Variants in COL4A2 observed in about 807,000 individuals in gnomAD.
COL4A2 encodes the protein collagen type IV alpha 2 chain.
COL4A2 carries 99 observed loss-of-function variants against 200.2 expected under a neutral mutation model. The ratio of observed to expected loss-of-function variants is 0.49; its 90% CI spans 0.42 to 0.58. COL4A2 has a LOEUF of 0.58. COL4A2 is among the 20% of genes least tolerant of loss of function. COL4A2 has a pLI of 0.00. For missense variants in COL4A2, 1,950 were observed against 2,314.1 expected, an observed-to-expected ratio of 0.84 and a Z score of 3.23; for synonymous variants, 897 against 900.6, an observed-to-expected ratio of 1.00 and a Z score of 0.07.
At position 110,504,182 on chromosome 13, in the gene COL4A2, A is replaced by G; in HGVS notation, c.4320A>G (p.Gln1440=). 6.2e-7 allele frequency: 1 copy of G among 1,614,162 alleles called. No homozygotes were observed. The highest frequency in any genetic ancestry group is 1.7e-5 in the Admixed American group (1 of 60,028). Reference sequence around the variant, plus strand: ...GGGCTCCAGGGAAAGCTGGGCCCCAAGGAAGAGGTGGTGTGTCTGCTGTTC... The same window carrying G: ...GGGCTCCAGGGAAAGCTGGGCCCCAGGGAAGAGGTGGTGTGTCTGCTGTTC... ...FRGAPGKAGP[Q]GRGGVSAVPG... is the part of the protein sequence containing the mutation. Residue 1440 remains glutamine (Q), a synonymous_variant, in exon 45 of 48, where the codon CAA becomes CAG. Coordinates refer to ENST00000360467, the MANE Select transcript of COL4A2 (RefSeq NM_001846.4).
chr13:110,369,331 C>T (rs77777364), intron 4 of COL4A2, among the ~76,000 whole-genome samples: 6,007 of 152,202 alleles, frequency 0.039, 384 homozygotes, highest in African/African-American at 0.14. Context: ...TTTTGAGCAC[C>T]GACCTGGCAC....
intron 3 of COL4A2, among the ~76,000 whole-genome samples, chr13:110,326,642 G>A (rs112886346): frequency 0.036 from 5,556 of 152,248 alleles, 132 homozygotes; most frequent in Non-Finnish European, 0.052. Context: ...TCAGGGCGAG[G>A]TCACACAGAG....
chr13:110,328,954 T>G (rs1258546023), intron 3 of COL4A2, among the ~76,000 whole-genome samples: 3 of 152,240 alleles, frequency 2.0e-5, no homozygotes, highest in Non-Finnish European at 4.4e-5. Flanking sequence ...GAACAGAACC[T>G]TCTAGTAGTC....
chr13:110,330,961 C>T (rs556117630), intron 3 of COL4A2, among the ~76,000 whole-genome samples: 40 of 152,264 alleles, frequency 2.6e-4, no homozygotes, highest in African/African-American at 5.8e-4. Context: ...TCCATCTACC[C>T]GATCTCGCCG....
chr13:110,419,447 A>G (rs1234979425), intron 4 of COL4A2, among the ~76,000 whole-genome samples: 1 of 152,214 alleles, frequency 6.6e-6, no homozygotes, highest in African/African-American at 2.4e-5. Context: ...AATGGAAACC[A>G]CAGGGTTGTG....
intron 4 of COL4A2, among the ~76,000 whole-genome samples, chr13:110,384,455 A>G (rs1222981746): frequency 6.6e-6 from 1 of 152,180 alleles, no homozygotes; most frequent in African/African-American, 2.4e-5. Flanking sequence ...TTCAGTGGGG[A>G]GTCACACGTC....
chr13:110,418,385 T>C (rs1348906803), intron 4 of COL4A2, among the ~76,000 whole-genome samples: 1 of 152,206 alleles, frequency 6.6e-6, no homozygotes, highest in Non-Finnish European at 1.5e-5. Flanking sequence ...AACTTTTTCT[T>C]TTATAGGTTG....
intron 29 of COL4A2, among the ~76,000 whole-genome samples, chr13:110,476,226 C>G (rs200512679): frequency 6.6e-6 from 1 of 152,108 alleles, no homozygotes; most frequent in East Asian, 1.9e-4. Flanking sequence ...GCCATCGCTG[C>G]GAATCCTTTA....
At chr13:110,333,672 C>G (rs1352378620) in intron 3 of COL4A2, among the ~76,000 whole-genome samples, 2 of 152,204 alleles carry the variant, frequency 1.3e-5, no homozygotes, top group African/African-American at 2.4e-5. Flanking sequence ...TCCCACACCC[C>G]AATAATGTAC....
At chr13:110,326,751 C>T (rs563904038) in intron 3 of COL4A2, among the ~76,000 whole-genome samples, 1 of 152,296 alleles carries the variant, frequency 6.6e-6, no homozygotes, top group East Asian at 1.9e-4. Flanking sequence ...CCCCTACATC[C>T]CATCCGATTC....
At chr13:110,318,630 A>C (rs75522716) in intron 3 of COL4A2, among the ~76,000 whole-genome samples, 2,953 of 152,312 alleles carry the variant, frequency 0.019, 98 homozygotes, top group African/African-American at 0.066. Context: ...TGTTGGTGCG[A>C]GTATTCAACT....
chr13:110,489,189 T>C (rs377459964), intron 34 of COL4A2, among the ~76,000 whole-genome samples: 14 of 152,268 alleles, frequency 9.2e-5, no homozygotes, highest in African/African-American at 3.1e-4. Context: ...TGAGCTATGA[T>C]TGTGCTTCTG....
At chr13:110,469,533 T>A (rs1342749151) in intron 28 of COL4A2, among the ~76,000 whole-genome samples, 1 of 152,232 alleles carries the variant, frequency 6.6e-6, no homozygotes, top group Non-Finnish European at 1.5e-5. Flanking sequence ...TATCTACAGA[T>A]CTTGCAGGAA....
At chr13:110,437,006 G>A (rs1053662946) in intron 13 of COL4A2, among the ~76,000 whole-genome samples, 3 of 152,182 alleles carry the variant, frequency 2.0e-5, no homozygotes, top group Non-Finnish European at 4.4e-5. Flanking sequence ...GGTTGCAGGC[G>A]ACTGTGAAAC....
chr13:110,379,236 A>G (rs1246277981), intron 4 of COL4A2, among the ~76,000 whole-genome samples: 1 of 152,172 alleles, frequency 6.6e-6, no homozygotes, highest in Non-Finnish European at 1.5e-5. Context: ...CTATATGCAC[A>G]GGACAGCCCC....
intron 20 of COL4A2, chr13:110,456,744 G>A (rs927251099): frequency 1.1e-5 from 5 of 474,016 alleles, no homozygotes; most frequent in African/African-American, 6.0e-5. Context: ...TGTGTCTGGG[G>A]GGACCCTGGG....
intron 3 of COL4A2, among the ~76,000 whole-genome samples, chr13:110,356,875 C>T (rs1594167065): frequency 6.6e-6 from 1 of 151,948 alleles, no homozygotes; most frequent in East Asian, 1.9e-4. Flanking sequence ...AAGCGATTTT[C>T]CTGCCTCAGC....
At chr13:110,467,211 C>A in intron 27 of COL4A2, 115 bp downstream of exon 27, 2 of 1,365,094 alleles carry the variant, frequency 1.5e-6, no homozygotes, top group South Asian at 2.7e-5. Flanking sequence ...CAGACATGGT[C>A]GTGTCCAGCA....
chr13:110,472,719 C>T (rs995618778), intron 28 of COL4A2, among the ~76,000 whole-genome samples: 1 of 151,928 alleles, frequency 6.6e-6, no homozygotes, highest in African/African-American at 2.4e-5. Context: ...GGCCGAATGG[C>T]GGGGCAAGCA....
Sources: allele counts gnomAD v4.1 joint callset (sites outside exome capture counted in the v4.1 genomes callset), GRCh38; gene constraint gnomAD v4.1.1; transcripts MANE v1.5; gene names NCBI Gene and HGNC (gene_info 2026-07-23, HGNC 2026-07-21).